Variants in REPS1 observed in about 807,000 individuals in gnomAD.
REPS1 encodes the protein RALBP1 associated Eps domain containing 1.
Under a neutral mutation model 100.9 loss-of-function variants are expected in REPS1, and 39 were observed. The ratio of observed to expected loss-of-function variants is 0.39; its 90% CI spans 0.30 to 0.50. The LOEUF is 0.50. REPS1 is among the 20% of genes least tolerant of loss of function. The pLI, the probability that REPS1 is intolerant of heterozygous loss-of-function variation, is 0.86. For synonymous variants in REPS1, 324 were observed against 340.3 expected (o/e 0.95, Z 0.53); for missense variants, 821 against 968.5 (o/e 0.85, Z 2.02).
At chr6:138,940,095 C>A (rs1782126650) in intron 8 of REPS1, among the ~76,000 whole-genome samples, 1 of 152,178 alleles carries the variant, frequency 6.6e-6, no homozygotes, top group Non-Finnish European at 1.5e-5. Flanking sequence ...AAACTAGAAG[C>A]ACATTCAGAT....
chr6:138,924,976 A>T (rs1781005199), intron 10 of REPS1, among the ~76,000 whole-genome samples: 1 of 152,146 alleles, frequency 6.6e-6, no homozygotes, highest in Non-Finnish European at 1.5e-5. Flanking sequence ...TAAACATTTT[A>T]AAATTGTACA....
At chr6:138,946,457 C>T (rs753977282) in intron 2 of REPS1, among the ~76,000 whole-genome samples, 19 of 152,096 alleles carry the variant, frequency 1.2e-4, no homozygotes, top group Non-Finnish European at 1.9e-4. Context: ...GCGTACTTAC[C>T]TCCATTACAT....
intron 19 of REPS1, 182 bp downstream of exon 19, chr6:138,907,313 A>AGTGGGTGTGTGTGT: frequency 7.5e-6 from 1 of 132,592 alleles, no homozygotes; most frequent in South Asian, 1.9e-4. Context: ...AAAAAAAAAA[A>AGTGGGTGTGTGTGT]GTGTGTGTGT....
chr6:138,970,336 C>G (rs988366416), intron 1 of REPS1, among the ~76,000 whole-genome samples: 4 of 151,832 alleles, frequency 2.6e-5, no homozygotes, highest in African/African-American at 9.7e-5. Flanking sequence ...CAGAGTATTT[C>G]AGCTCCACGA....
chr6:138,987,164 T>C (rs1785310902), intron 1 of REPS1, among the ~76,000 whole-genome samples: 1 of 152,236 alleles, frequency 6.6e-6, no homozygotes, highest in Admixed American at 6.5e-5. Context: ...ATAACTTTAC[T>C]ACTCTGCAGG....
intron 8 of REPS1, chr6:138,934,370 C>T (rs1219774176): frequency 4.3e-6 from 2 of 469,730 alleles, no homozygotes; most frequent in African/African-American, 4.0e-5. Context: ...TTAAAGTTAA[C>T]CCCAAAAGGG....
At chr6:138,938,850 ATTTT>A (rs34695956) in intron 8 of REPS1, among the ~76,000 whole-genome samples, 2 of 145,500 alleles carry the variant, frequency 1.4e-5, no homozygotes, top group African/African-American at 5.1e-5. Flanking sequence ...TATTTTTATA[ATTTT>A]TTTTTTTTTT....
intron 8 of REPS1, among the ~76,000 whole-genome samples, chr6:138,936,613 G>C (rs1374680649): frequency 8.7e-6 from 1 of 115,010 alleles, no homozygotes; most frequent in Non-Finnish European, 1.7e-5. Flanking sequence ...GACAGGGACA[G>C]AGTATGTTTG....
chr6:138,928,715 G>A (rs1781299587), intron 9 of REPS1: 1 of 151,994 alleles, frequency 6.6e-6, no homozygotes, highest in Non-Finnish European at 1.5e-5. Context: ...TGATATCAAT[G>A]GAATACAAAT....
Position 138,920,901 on chromosome 6 carries a change from T to C in REPS1, c.1426+136A>G. Reference sequence around the variant, plus strand: ...TTAAAAACAGCAACATAAATAAATATGCATGAACATATACATAATTGTAGA... The same window carrying C: ...TTAAAAACAGCAACATAAATAAATACGCATGAACATATACATAATTGTAGA... On this transcript the variant is annotated intron_variant, in intron 11 of 19. Transcript: ENST00000450536. 4.7e-6 allele frequency: 3 copies of C among 632,638 alleles called. 1 individual carries two copies. The highest frequency in any genetic ancestry group is 2.0e-5 in the South Asian group (1 of 50,978). The allele number at this position is 632,638 out of a possible 1,614,324, so 39.2% of individuals were successfully genotyped here.
At chr6:138,984,738 C>G (rs1040243268) in intron 1 of REPS1, among the ~76,000 whole-genome samples, 4 of 152,152 alleles carry the variant, frequency 2.6e-5, no homozygotes, top group Admixed American at 2.0e-4. Context: ...CCCTGACAAA[C>G]GACTCCTAAA....
chr6:138,931,535 A>G (rs1781485101), intron 8 of REPS1, among the ~76,000 whole-genome samples: 1 of 152,166 alleles, frequency 6.6e-6, no homozygotes, highest in East Asian at 1.9e-4. Flanking sequence ...TGCAAGTTCT[A>G]ATCTGCAGTC....
chr6:138,930,580 C>T (rs543253282), intron 8 of REPS1, among the ~76,000 whole-genome samples: 2 of 152,184 alleles, frequency 1.3e-5, no homozygotes, highest in South Asian at 4.1e-4. Flanking sequence ...TTAAAATAAG[C>T]TTTGTTTAAA....
intron 1 of REPS1, among the ~76,000 whole-genome samples, chr6:138,955,771 G>A (rs1257704773): frequency 2.0e-5 from 3 of 152,048 alleles, no homozygotes; most frequent in Non-Finnish European, 4.4e-5. Flanking sequence ...AGGAAATCAT[G>A]GTTTATGTCA....
chr6:138,967,075 T>C lies in REPS1; in HGVS notation c.154-19162A>G, dbSNP rs778142196. Among the ~76,000 whole-genome samples, 13 of 152,344 alleles carry C rather than the reference T, an allele frequency of 8.5e-5. No individual in the cohort carries two copies. The East Asian group carries it at 2.3e-3, about 27-fold the overall frequency. The stretch of plus-strand genomic sequence containing the variant: ...AGATTAATGTAATTTATCACAGAAG[T>C]TGATTCATTATGAAAGGCAATTGGG... On this transcript the variant is annotated intron_variant, in intron 1 of 19. Coordinates refer to ENST00000450536, the MANE Select transcript of REPS1 (RefSeq NM_001286611.2).
chr6:138,905,180 G>T, intron 19 of REPS1, 48 bp from the exon 20 acceptor site: 1 of 1,207,688 alleles, frequency 8.3e-7, no homozygotes, highest in Non-Finnish European at 1.2e-6. Flanking sequence ...ATATAAAAAT[G>T]AAGAAATATC....
intron 1 of REPS1, among the ~76,000 whole-genome samples, chr6:138,980,996 A>G (rs1275906377): frequency 1.3e-5 from 2 of 152,274 alleles, no homozygotes; most frequent in Non-Finnish European, 2.9e-5. Flanking sequence ...AGAAGTGTTT[A>G]GCATTTCACA....
Position 138,911,415 on chromosome 6 carries a change from T to A in REPS1, c.1972-44A>T, listed in dbSNP as rs372177408. 18 of 1,159,986 alleles carry A rather than the reference T, an allele frequency of 1.6e-5. No homozygotes were observed. The African/African-American group carries it at 2.4e-4, about 16-fold the overall frequency. The allele number at this position is 1,159,986 out of a possible 1,614,324, so 71.9% of individuals were successfully genotyped here. On this transcript the variant is annotated intron_variant, in intron 16 of 19. Coordinates refer to ENST00000450536, the MANE Select transcript of REPS1 (RefSeq NM_001286611.2). ...ATCACTATTAATTCTACATAACATG[T>A]AATTATGCATAAATATAGAATATGT...
At chr6:138,943,646 CTT>C in intron 6 of REPS1, 70 bp from the exon 7 acceptor site, 1 of 1,223,040 alleles carries the variant, frequency 8.2e-7, no homozygotes, top group Admixed American at 2.3e-5. Flanking sequence ...ATGTAAGAGT[CTT>C]AGACTTTTTT....
Sources: gnomAD v4.1 joint callset for allele counts (sites outside exome capture counted in the v4.1 genomes callset) on GRCh38, gnomAD v4.1.1 for gene constraint, MANE v1.5 for transcripts, NCBI Gene and HGNC (gene_info 2026-07-23, HGNC 2026-07-21) for gene names.